Variants in PRKG1 observed in about 807,000 individuals in gnomAD.
PRKG1 encodes the protein protein kinase cGMP-dependent 1, also known as cGMP-dependent protein kinase 1.
In PRKG1, 35 loss-of-function variants were observed where a neutral mutation model predicts 88.1. That is an observed-to-expected ratio of 0.40 (90% CI 0.30 to 0.53). The LOEUF is 0.53. Ranked by LOEUF, PRKG1 falls within the 20% of genes least tolerant of loss-of-function variation. PRKG1 has a pLI of 0.59. For missense variants in PRKG1, 540 were observed against 839.8 expected, an observed-to-expected ratio of 0.64 and a Z score of 4.41; for synonymous variants, 303 against 292.5, an observed-to-expected ratio of 1.04 and a Z score of -0.37.
chr10:51,485,099 T>C (rs149792563), intron 3 of PRKG1, among the ~76,000 whole-genome samples: 44 of 151,920 alleles, frequency 2.9e-4, no homozygotes, highest in African/African-American at 1.0e-3. Flanking sequence ...ATACAAGCCT[T>C]TTGCTCAACA....
chr10:52,002,555 T>C (rs1455735139), intron 5 of PRKG1, among the ~76,000 whole-genome samples: 1 of 152,134 alleles, frequency 6.6e-6, no homozygotes, highest in Non-Finnish European at 1.5e-5. Context: ...TAATGTGCCA[T>C]TGTGTAGGTG....
At chr10:52,238,524 A>C (rs1051506043) in intron 9 of PRKG1, among the ~76,000 whole-genome samples, 10 of 151,948 alleles carry the variant, frequency 6.6e-5, no homozygotes, top group African/African-American at 2.4e-4. Flanking sequence ...ATGAACAGAC[A>C]CTTCTCAAAA....
intron 2 of PRKG1, among the ~76,000 whole-genome samples, chr10:51,359,501 C>T (rs1405539695): frequency 1.3e-5 from 2 of 151,632 alleles, no homozygotes; most frequent in South Asian, 2.1e-4. Flanking sequence ...TTATTATTAA[C>T]AGTCATATAT....
chr10:52,020,628 G>T (rs149656556), intron 5 of PRKG1, among the ~76,000 whole-genome samples: 2 of 152,104 alleles, frequency 1.3e-5, no homozygotes, highest in African/African-American at 4.8e-5. Context: ...GACTTTATGG[G>T]CTGGCCCCTT....
intron 5 of PRKG1, among the ~76,000 whole-genome samples, chr10:51,931,583 G>A (rs1368787423): frequency 6.6e-6 from 1 of 152,166 alleles, no homozygotes; most frequent in East Asian, 1.9e-4. Context: ...AGGTTCCCTT[G>A]TCTTTAGCTT....
At chr10:51,159,807 A>G (rs534837389) in intron 2 of PRKG1, among the ~76,000 whole-genome samples, 5 of 152,312 alleles carry the variant, frequency 3.3e-5, no homozygotes, top group Non-Finnish European at 7.4e-5. Flanking sequence ...GTGTGAAAAC[A>G]TGGTCACATG....
intron 2 of PRKG1, among the ~76,000 whole-genome samples, chr10:51,219,721 A>T (rs1399802369): frequency 6.6e-6 from 1 of 151,808 alleles, no homozygotes; most frequent in Non-Finnish European, 1.5e-5. Context: ...AAAAAAAAAT[A>T]ATAATAAAAT....
chr10:51,942,169 T>C (rs375113024), intron 5 of PRKG1, among the ~76,000 whole-genome samples: 1 of 151,958 alleles, frequency 6.6e-6, no homozygotes, highest in African/African-American at 2.4e-5. Flanking sequence ...TGGTATCTCA[T>C]TGTGGTTTTG....
At chr10:51,806,175 A>G (rs1839302125) in intron 4 of PRKG1, among the ~76,000 whole-genome samples, 1 of 152,206 alleles carries the variant, frequency 6.6e-6, no homozygotes, top group South Asian at 2.1e-4. Context: ...TAAAGATTAC[A>G]ACTGGTAATC....
rs1472563070 is a variant in PRKG1, at chr10:51,051,292, A to G, written c.266+59648A>G. 2.0e-5 allele frequency among the ~76,000 whole-genome samples: 3 copies of G among 152,114 alleles called. No individual in the cohort carries two copies. The South Asian group carries it at 6.2e-4, about 32-fold the overall frequency. On this transcript the variant is annotated intron_variant, in intron 1 of 17. Transcript: ENST00000401604. Reference sequence around the variant, plus strand: ...TTTCTTCTAAGAGTTTTATCACTTCATGTTTTACATTTAAGCCTTTAATCC... The same window carrying G: ...TTTCTTCTAAGAGTTTTATCACTTCGTGTTTTACATTTAAGCCTTTAATCC...
chr10:51,084,964 T>G (rs1050351916), intron 1 of PRKG1, among the ~76,000 whole-genome samples: 26 of 152,258 alleles, frequency 1.7e-4, no homozygotes, highest in African/African-American at 6.3e-4. Context: ...ACATATCTTC[T>G]GGATATACTG....
intron 3 of PRKG1, among the ~76,000 whole-genome samples, chr10:51,682,354 C>T (rs891632870): frequency 6.6e-6 from 1 of 152,184 alleles, no homozygotes; most frequent in Admixed American, 6.5e-5. Context: ...GGCTCCAAAA[C>T]ACAGCCCAGA....
intron 5 of PRKG1, among the ~76,000 whole-genome samples, chr10:52,005,612 C>T (rs1844714393): frequency 1.3e-5 from 2 of 152,156 alleles, no homozygotes; most frequent in South Asian, 4.1e-4. Flanking sequence ...TGGGCATTTC[C>T]ACCCACCCCT....
chr10:52,120,098 C>A (rs915316599), intron 7 of PRKG1, among the ~76,000 whole-genome samples: 1 of 151,916 alleles, frequency 6.6e-6, no homozygotes. Flanking sequence ...AGAGAGAGAG[C>A]ACACTGAACT....
intron 1 of PRKG1, among the ~76,000 whole-genome samples, chr10:51,015,120 A>ATC (rs1843041389): frequency 6.6e-6 from 1 of 152,326 alleles, no homozygotes; most frequent in Non-Finnish European, 1.5e-5. Flanking sequence ...GCTGAATAAA[A>ATC]TCTCTTTTTA....
At chr10:51,299,778 AC>A in intron 2 of PRKG1, 5 of 348,596 alleles carry the variant, frequency 1.4e-5, no homozygotes, top group South Asian at 1.0e-4. Context: ...ATGTGGCGTA[AC>A]TGCTCTGCAA....
intron 2 of PRKG1, among the ~76,000 whole-genome samples, chr10:51,360,504 T>C (rs1842456246): frequency 6.6e-6 from 1 of 151,934 alleles, no homozygotes; most frequent in South Asian, 2.1e-4. Flanking sequence ...GGACAAATAA[T>C]TTAAATGTTC....
chr10:52,116,810 C>A (rs1056226511), intron 7 of PRKG1, among the ~76,000 whole-genome samples: 1 of 152,046 alleles, frequency 6.6e-6, no homozygotes, highest in Non-Finnish European at 1.5e-5. Flanking sequence ...CCAAAATTAG[C>A]CCTGTCAAAT....
intron 1 of PRKG1, among the ~76,000 whole-genome samples, chr10:51,105,462 C>A (rs1844809834): frequency 6.6e-6 from 1 of 152,082 alleles, no homozygotes; most frequent in East Asian, 1.9e-4. Context: ...ATATCAAATT[C>A]TTTTTGTTTC....
Sources: allele counts gnomAD v4.1 joint callset (sites outside exome capture counted in the v4.1 genomes callset), GRCh38; gene constraint gnomAD v4.1.1; transcripts MANE v1.5; gene names NCBI Gene and HGNC (gene_info 2026-07-23, HGNC 2026-07-21).